Variants in DCAF1 observed in about 807,000 individuals in gnomAD.
DCAF1 encodes the protein DDB1 and CUL4 associated factor 1, also known as DDB1- and CUL4-associated factor 1.
DCAF1 carries 15 observed loss-of-function variants against 128.0 expected under a neutral mutation model. That is an observed-to-expected ratio of 0.12 (90% CI 0.08 to 0.18). DCAF1 has a LOEUF of 0.18. DCAF1 is among the 10% of genes least tolerant of loss of function. The pLI is 1.00. For synonymous variants in DCAF1, 610 were observed against 603.0 expected (o/e 1.01, Z -0.17); for missense variants, 988 against 1,649.5 (o/e 0.60, Z 6.95).
chr3:51,486,250 T>C (rs1706946660), intron 2 of DCAF1, among the ~76,000 whole-genome samples: 1 of 150,094 alleles, frequency 6.7e-6, no homozygotes, highest in African/African-American at 2.5e-5. Flanking sequence ...TTGAGTGCAG[T>C]AGCGCGGTCC....
At chr3:51,418,080 T>C (rs1553631016) in intron 17 of DCAF1, 36 bp downstream of exon 17, 2 of 1,588,224 alleles carry the variant, frequency 1.3e-6, no homozygotes, top group Non-Finnish European at 8.6e-7. Flanking sequence ...ACTAGGTAAA[T>C]AAAGCACAGA....
rs782128426 is a variant in DCAF1, at chr3:51,430,084, G to A, written c.1416C>T (p.Ala472=). 2.6e-5 allele frequency: 20 copies of A among 780,556 alleles called. No homozygotes were observed. The highest frequency in any genetic ancestry group is 3.6e-5 in the Non-Finnish European group (15 of 417,968). 48.4% of individuals were successfully genotyped at this position (780,556 alleles called of 1,614,324 possible). Residue 472 remains alanine (A), a synonymous_variant, in exon 11 of 25, where the codon GCC becomes GCT. Coordinates refer to ENST00000684031, the MANE Select transcript of DCAF1 (RefSeq NM_001387579.1). The part of the protein sequence containing the change: ...MFFSICFSFR[A]VLELFDRYDG... ...CATAGCGGTCAAAGAGCTCCAAGACGGCCCGAAATGAGAAGCAAATTGAAA... is the reference window on the plus strand; with the variant it reads ...CATAGCGGTCAAAGAGCTCCAAGACAGCCCGAAATGAGAAGCAAATTGAAA...
At chr3:51,425,321 A>C (rs1391078084) in intron 13 of DCAF1, among the ~76,000 whole-genome samples, 1 of 151,800 alleles carries the variant, frequency 6.6e-6, no homozygotes, top group East Asian at 2.0e-4. Context: ...AAAATGCAAA[A>C]AGTAGCTGGG....
At chr3:51,415,149 C>T (rs1577074672) in intron 18 of DCAF1, among the ~76,000 whole-genome samples, 1 of 152,228 alleles carries the variant, frequency 6.6e-6, no homozygotes, top group East Asian at 1.9e-4. Context: ...GGGTTCTATA[C>T]CCACAACTCT....
At chr3:51,407,572 T>C (rs534718021) in intron 23 of DCAF1, among the ~76,000 whole-genome samples, 5 of 152,336 alleles carry the variant, frequency 3.3e-5, no homozygotes, top group Admixed American at 2.6e-4. Context: ...AATTTAAGGT[T>C]AAGTATAATT....
chr3:51,497,605 T>G (rs539982542), intron 1 of DCAF1, among the ~76,000 whole-genome samples: 4 of 146,574 alleles, frequency 2.7e-5, no homozygotes, highest in Admixed American at 6.8e-5. Context: ...GAAAAAAAAA[T>G]TTTTTTTAAA....
chr3:51,414,987 G>A (rs2107221156), intron 18 of DCAF1, 130 bp from the exon 19 acceptor site: 2 of 1,360,712 alleles, frequency 1.5e-6, no homozygotes, highest in African/African-American at 1.5e-5. Flanking sequence ...GATTACCACA[G>A]AATACTGCCT....
rs1553623638 is a variant in DCAF1, at chr3:51,398,023, C to T, written c.*746G>A. Reference sequence around the variant, plus strand: ...GAACTTATATCCTAAGTTCCCTCAACTCCACAAAACCAATATCCACAATGA... The same window carrying T: ...GAACTTATATCCTAAGTTCCCTCAATTCCACAAAACCAATATCCACAATGA... On this transcript the variant is annotated 3_prime_UTR_variant, in exon 25 of 25. Coordinates refer to ENST00000684031, the MANE Select transcript of DCAF1 (RefSeq NM_001387579.1). 1 of 160,414 alleles carries T rather than the reference C, an allele frequency of 6.2e-6. No homozygotes were observed. The highest frequency in any genetic ancestry group is 1.5e-5 in the Non-Finnish European group (1 of 68,058). The allele number at this position is 160,414 out of a possible 1,614,324, so 9.9% of individuals were successfully genotyped here. A position where few individuals can be genotyped will look rare whatever the true frequency, so the allele number is the denominator to read the frequency against.
intron 12 of DCAF1, among the ~76,000 whole-genome samples, chr3:51,428,122 C>T (rs1305308238): frequency 5.3e-5 from 8 of 152,062 alleles, no homozygotes; most frequent in African/African-American, 1.4e-4. Flanking sequence ...ACAAAAGTTT[C>T]CTTTGTGCAT....
chr3:51,462,310 T>C (rs1703684757), intron 6 of DCAF1, among the ~76,000 whole-genome samples: 1 of 151,926 alleles, frequency 6.6e-6, no homozygotes, highest in Non-Finnish European at 1.5e-5. Context: ...TAATCCCAGG[T>C]ACCCAGGAGG....
chr3:51,404,022 C>T (rs1400505003), intron 23 of DCAF1, among the ~76,000 whole-genome samples: 3 of 152,198 alleles, frequency 2.0e-5, no homozygotes, highest in Non-Finnish European at 4.4e-5. Flanking sequence ...TCTTTCTTTC[C>T]ATTCTTACAA....
intron 1 of DCAF1, among the ~76,000 whole-genome samples, chr3:51,497,958 G>A (rs978959508): frequency 7.0e-5 from 10 of 143,640 alleles, no homozygotes; most frequent in Middle Eastern, 3.8e-3. Context: ...GCTGAGGCAC[G>A]AGAATGGCGT....
intron 6 of DCAF1, among the ~76,000 whole-genome samples, chr3:51,447,376 C>T (rs1701980173): frequency 6.6e-6 from 1 of 151,810 alleles, no homozygotes; most frequent in South Asian, 2.1e-4. Flanking sequence ...CGCCACTGCA[C>T]TCCAACCTAG....
chr3:51,472,281 G>T (rs560622155), intron 3 of DCAF1, among the ~76,000 whole-genome samples: 2 of 152,218 alleles, frequency 1.3e-5, no homozygotes, highest in African/African-American at 4.8e-5. Context: ...AACTCAGCTG[G>T]TAACATTTTT....
intron 7 of DCAF1, 145 bp downstream of exon 7, chr3:51,443,621 A>G (rs1701575110): frequency 1.3e-6 from 1 of 778,804 alleles, no homozygotes; most frequent in Non-Finnish European, 1.8e-6. Context: ...CAATTTTTAA[A>G]AACTCTTATG....
At chr3:51,437,841 G>T (rs1284388858) in intron 9 of DCAF1, among the ~76,000 whole-genome samples, 2 of 151,120 alleles carry the variant, frequency 1.3e-5, no homozygotes, top group Non-Finnish European at 3.0e-5. Flanking sequence ...AAAATAAAAT[G>T]CATAACACAA....
At chr3:51,405,184 A>C (rs933996024) in intron 23 of DCAF1, among the ~76,000 whole-genome samples, 3 of 152,248 alleles carry the variant, frequency 2.0e-5, no homozygotes, top group Non-Finnish European at 2.9e-5. Flanking sequence ...AAGATAGCAC[A>C]ACTAAAGGTC....
chr3:51,413,229 TA>T, intron 21 of DCAF1, 52 bp downstream of exon 21: 1 of 1,575,984 alleles, frequency 6.3e-7, no homozygotes, highest in Non-Finnish European at 8.6e-7. Context: ...GGATCTTAAA[TA>T]AGGAACACCA....
At chr3:51,425,908 A>C (rs1157214122) in intron 13 of DCAF1, among the ~76,000 whole-genome samples, 1 of 152,084 alleles carries the variant, frequency 6.6e-6, no homozygotes, top group Non-Finnish European at 1.5e-5. Flanking sequence ...ATAATAACCT[A>C]CTTTTCCAAT....
Sources: gnomAD v4.1 joint callset for allele counts (sites outside exome capture counted in the v4.1 genomes callset) on GRCh38, gnomAD v4.1.1 for gene constraint, MANE v1.5 for transcripts, NCBI Gene and HGNC (gene_info 2026-07-23, HGNC 2026-07-21) for gene names.